PDXDC1: variants seen among roughly 807,000 people sequenced by gnomAD.
The protein encoded by PDXDC1 is pyridoxal-dependent decarboxylase domain-containing protein 1.
A neutral mutation model predicts 100.1 loss-of-function variants in PDXDC1; 42 were observed. That is an observed-to-expected ratio of 0.42 (90% CI 0.33 to 0.54). PDXDC1 has a LOEUF of 0.54. Ranked by LOEUF, PDXDC1 falls within the 20% of genes least tolerant of loss-of-function variation. PDXDC1 has a pLI of 0.10. For missense variants in PDXDC1, 636 were observed against 979.2 expected (o/e 0.65, Z 4.68); for synonymous variants, 260 against 371.7 (o/e 0.70, Z 3.46).
At position 15,094,249 on chromosome 16, in the gene PDXDC1, C is replaced by A. The variant is rs776931346; in HGVS notation, c.1400-44630C>A. The A allele has an allele frequency of 1.2e-5, 18 of 1,556,204 alleles. No homozygotes were observed. The Middle Eastern group carries it at 7.6e-4, about 66-fold the overall frequency. On this transcript the variant is annotated intron_variant, in intron 16 of 16. Transcript: ENST00000535621. The stretch of plus-strand genomic sequence containing the variant: ...GTGCCGCCATTGGGCCGAACTAACG[C>A]GACCGCTGCGCCTCAGGCCGGATGC...
intron 16 of PDXDC1, chr16:15,085,608 G>A: frequency 6.2e-7 from 1 of 1,604,852 alleles, no homozygotes; most frequent in South Asian, 1.1e-5. Context: ...GAAAGCTACT[G>A]TGCCCAGGCT....
intron 16 of PDXDC1, chr16:15,094,136 G>A (rs2046255066): frequency 1.3e-6 from 2 of 1,590,982 alleles, no homozygotes; most frequent in Non-Finnish European, 1.7e-6. Context: ...GAAGCGGCCT[G>A]AATCTTACCC....
Position 15,018,629 on chromosome 16 carries a change from G to A in PDXDC1, c.964-211G>A, listed in dbSNP as rs1245541629. 2.0e-5 allele frequency among the ~76,000 whole-genome samples: 3 copies of A among 152,196 alleles called. No homozygotes were observed. The East Asian group carries it at 5.8e-4, about 29-fold the overall frequency. The stretch of plus-strand genomic sequence containing the variant: ...GGCTTTTCCTGGCTTTGCCACTCCT[G>A]AGCTGTGAACCCTTGGACAAACCGA... On this transcript the variant is annotated intron_variant, in intron 11 of 22. Transcript: ENST00000396410.
chr16:15,150,085 C>T, the PDXDC1 span, among the ~76,000 whole-genome samples: 1 of 152,060 alleles, frequency 6.6e-6, no homozygotes, highest in Non-Finnish European at 1.5e-5. Flanking sequence ...TGGCTCAAGC[C>T]TGTAATCCCA....
downstream of PDXDC1, chr16:15,040,975 T>C (rs2043789204): frequency 3.4e-6 from 3 of 870,450 alleles, no homozygotes; most frequent in Admixed American, 5.2e-5. Context: ...AGCTGTCCCA[T>C]CCTGACAGCA....
chr16:15,099,748 T>C (rs1394317399), intron 16 of PDXDC1, among the ~76,000 whole-genome samples: 3 of 152,194 alleles, frequency 2.0e-5, no homozygotes, highest in Non-Finnish European at 2.9e-5. Flanking sequence ...CACTGAGTAA[T>C]ATATTGTTTG....
chr16:14,982,783 G>T (rs1486928401), intron 1 of PDXDC1, among the ~76,000 whole-genome samples: 1 of 152,266 alleles, frequency 6.6e-6, no homozygotes, highest in South Asian at 2.1e-4. Flanking sequence ...TATAATAGAC[G>T]TGTGTGGTGT....
chr16:15,045,194 A>G (rs12934835), intron 16 of PDXDC1: 46,582 of 150,084 alleles, frequency 0.31, 7,651 homozygotes, highest in Admixed American at 0.45. Context: ...CTACTCGGGA[A>G]GCTGAGGCAG....
chr16:15,095,350 G>A (rs952528814), intron 16 of PDXDC1, among the ~76,000 whole-genome samples: 1 of 151,968 alleles, frequency 6.6e-6, no homozygotes, highest in African/African-American at 2.4e-5. Flanking sequence ...AAAATATCCA[G>A]CCTGGGTGAC....
Position 15,099,513 on chromosome 16 carries a change from T to G in PDXDC1, c.1400-39366T>G, listed in dbSNP as rs184414842. 6.0e-4 allele frequency among the ~76,000 whole-genome samples: 91 copies of G among 152,092 alleles called. 1 individual carries two copies. Among genetic ancestry groups the G allele is most frequent in the African/African-American group, 2.2e-3 (90 of 41,512 alleles). The stretch of plus-strand genomic sequence containing the variant: ...TAATTCTTTGACCATGTCCGTTCTT[T>G]GTGGAGCCTCTATTCAGTCAAATTG... On this transcript the variant is annotated intron_variant, in intron 16 of 16. Coordinates refer to the PDXDC1 transcript ENST00000535621.
chr16:14,999,488 G>T (rs1057167320), intron 3 of PDXDC1, among the ~76,000 whole-genome samples: 1 of 152,104 alleles, frequency 6.6e-6, no homozygotes. Context: ...GCAGGAGGAT[G>T]GCTTGAGTCA....
chr16:15,051,570 C>T (rs2044291437), intron 16 of PDXDC1, among the ~76,000 whole-genome samples: 1 of 152,210 alleles, frequency 6.6e-6, no homozygotes, highest in Admixed American at 6.5e-5. Flanking sequence ...TGGTCTCGAA[C>T]TCCTGGCCTC....
chr16:15,100,918 C>T (rs1048047932), intron 16 of PDXDC1, among the ~76,000 whole-genome samples: 8 of 152,124 alleles, frequency 5.3e-5, no homozygotes, highest in South Asian at 4.2e-4. Context: ...CCCAGGAGGT[C>T]GAGACTGCAG....
intron 16 of PDXDC1, chr16:15,055,901 G>A: frequency 8.1e-7 from 1 of 1,230,540 alleles, no homozygotes; most frequent in Non-Finnish European, 1.0e-6. Context: ...CTCCAAAGGC[G>A]GGTGGGCTCG....
chr16:15,135,264 G>T lies in PDXDC1; in HGVS notation c.1400-3615G>T, dbSNP rs550052051. On this transcript the variant is annotated intron_variant, in intron 16 of 16. Coordinates refer to the PDXDC1 transcript ENST00000535621. ...GGCTGTCCAAGGCAAGTGGCCGAGG[G>T]GCGGGCGGCACCCACCGTCTGGTTG... The T allele has an allele frequency of 1.1e-3, 1,198 of 1,083,136 alleles. 6 individuals are homozygous for T. The African/African-American group carries it at 0.016, about 15-fold the overall frequency. The allele number at this position is 1,083,136 out of a possible 1,614,324, so 67.1% of individuals were successfully genotyped here.
intron 16 of PDXDC1, among the ~76,000 whole-genome samples, chr16:15,082,553 G>A (rs1164717199): frequency 6.6e-6 from 1 of 151,832 alleles, no homozygotes; most frequent in African/African-American, 2.4e-5. Context: ...CATGTCTATA[G>A]TCCCACCTAC....
intron 1 of PDXDC1, chr16:14,988,830 A>G: frequency 6.2e-7 from 1 of 1,613,390 alleles, no homozygotes; most frequent in African/African-American, 1.3e-5. Context: ...TGGGGCACCC[A>G]CCTTCACCAG....
At chr16:14,985,334 C>G (rs1435693513) in intron 1 of PDXDC1, among the ~76,000 whole-genome samples, 1 of 135,056 alleles carries the variant, frequency 7.4e-6, no homozygotes, top group African/African-American at 2.8e-5. Flanking sequence ...GTCGCCCAGG[C>G]TGGAGTGCAG....
chr16:15,042,724 A>AT (rs2043874165), downstream of PDXDC1, among the ~76,000 whole-genome samples: 2 of 133,416 alleles, frequency 1.5e-5, no homozygotes, highest in African/African-American at 3.2e-5. Flanking sequence ...TGAACTATTT[A>AT]TTTATTTATT....
Sources: allele counts gnomAD v4.1 joint callset (sites outside exome capture counted in the v4.1 genomes callset), GRCh38; gene constraint gnomAD v4.1.1; transcripts MANE v1.5; gene names NCBI Gene and HGNC (gene_info 2026-07-23, HGNC 2026-07-21).